Variants in CDC42SE2 observed in about 807,000 individuals in gnomAD.
The protein encoded by CDC42SE2 is CDC42 small effector protein 2.
CDC42SE2 carries 3 observed loss-of-function variants against 11.5 expected under a neutral mutation model. The observed-to-expected ratio is 0.26, with a 90% CI of 0.12 to 0.67. The LOEUF is 0.67. Among genes scored for constraint, CDC42SE2 ranks in the 30% least tolerant of loss-of-function variants. The probability of loss-of-function intolerance (pLI) is 0.80; values close to 1 mark genes in which losing one functional copy is unlikely to be tolerated. For missense variants in CDC42SE2, 82 were observed against 106.8 expected (o/e 0.77, Z 1.02); for synonymous variants, 33 against 34.8 (o/e 0.95, Z 0.18).
At chr5:131,244,360 A>G (rs563730130), upstream of CDC42SE2, among the ~76,000 whole-genome samples, 1 of 152,356 alleles carries the variant, frequency 6.6e-6, no homozygotes, top group East Asian at 1.9e-4. Flanking sequence ...CTTAATGGAC[A>G]TATGGGGAAC....
chr5:131,307,530 T>C (rs1757805133), intron 1 of CDC42SE2, among the ~76,000 whole-genome samples: 1 of 152,120 alleles, frequency 6.6e-6, no homozygotes, highest in African/African-American at 2.4e-5. Context: ...TAAACATACG[T>C]GTGCATGTGT....
chr5:131,270,394 TAAAAAC>T (rs1756968917), intron 1 of CDC42SE2, among the ~76,000 whole-genome samples: 1 of 152,030 alleles, frequency 6.6e-6, no homozygotes, highest in African/African-American at 2.4e-5. Flanking sequence ...AATAAAAAAA[TAAAAAC>T]AACAACATAA....
At chr5:131,320,430 A>G (rs190807473) in intron 2 of CDC42SE2, among the ~76,000 whole-genome samples, 1 of 148,082 alleles carries the variant, frequency 6.8e-6, no homozygotes, top group Admixed American at 6.8e-5. Context: ...AAAAAGAATT[A>G]GTTCTTCTAG....
intron 2 of CDC42SE2, among the ~76,000 whole-genome samples, chr5:131,346,069 C>T (rs549711759): frequency 3.9e-5 from 6 of 152,266 alleles, no homozygotes; most frequent in African/African-American, 1.2e-4. Context: ...TAAAGACTAT[C>T]AATGCTAGGA....
At chr5:131,224,010 G>A in the CDC42SE2 span, among the ~76,000 whole-genome samples, 1 of 152,118 alleles carries the variant, frequency 6.6e-6, no homozygotes, top group African/African-American at 2.4e-5. Flanking sequence ...CTCTACACTT[G>A]GTTGCCAGGA....
intron 1 of CDC42SE2, among the ~76,000 whole-genome samples, chr5:131,271,602 A>G (rs1028893966): frequency 6.6e-6 from 1 of 152,170 alleles, no homozygotes; most frequent in Non-Finnish European, 1.5e-5. Flanking sequence ...CCTGGAACCA[A>G]TCACCCATGG....
intron 2 of CDC42SE2, among the ~76,000 whole-genome samples, chr5:131,347,198 T>G (rs918067326): frequency 6.6e-6 from 1 of 152,096 alleles, no homozygotes; most frequent in African/African-American, 2.4e-5. Context: ...AAAAAATCAA[T>G]GAATCCAGGA....
the CDC42SE2 span, among the ~76,000 whole-genome samples, chr5:131,237,366 T>C: frequency 1.3e-5 from 2 of 152,234 alleles, no homozygotes; most frequent in Admixed American, 6.5e-5. Flanking sequence ...AATTATTCTT[T>C]GTTTTCTGAT....
At chr5:131,300,639 C>T (rs1023759696) in intron 1 of CDC42SE2, among the ~76,000 whole-genome samples, 1 of 151,922 alleles carries the variant, frequency 6.6e-6, no homozygotes, top group Admixed American at 6.6e-5. Context: ...AAAAATTAGC[C>T]AGGCGTGGTG....
At chr5:131,362,355 C>G (rs1312164277) in intron 3 of CDC42SE2, among the ~76,000 whole-genome samples, 1 of 151,984 alleles carries the variant, frequency 6.6e-6, no homozygotes, top group African/African-American at 2.4e-5. Context: ...TTTGTGGTCA[C>G]CATAATGGAG....
At chr5:131,282,626 C>T (rs1757259426) in intron 1 of CDC42SE2, among the ~76,000 whole-genome samples, 1 of 151,826 alleles carries the variant, frequency 6.6e-6, no homozygotes, top group Non-Finnish European at 1.5e-5. Context: ...AAAAAATCAC[C>T]TTTTTAAAAT....
chr5:131,373,455 T>C (rs1403666059), intron 3 of CDC42SE2, among the ~76,000 whole-genome samples: 1 of 152,204 alleles, frequency 6.6e-6, no homozygotes, highest in African/African-American at 2.4e-5. Context: ...CTCTTCTGTC[T>C]GGACTTCAGC....
intron 1 of CDC42SE2, among the ~76,000 whole-genome samples, chr5:131,292,984 TTGAA>T (rs1757494594): frequency 6.6e-6 from 1 of 151,136 alleles, no homozygotes; most frequent in Non-Finnish European, 1.5e-5. Context: ...CATTTGAATG[TTGAA>T]TGAATGAACA....
chr5:131,248,135 T>C (rs536346381), intron 1 of CDC42SE2, among the ~76,000 whole-genome samples: 89 of 151,470 alleles, frequency 5.9e-4, no homozygotes, highest in African/African-American at 2.2e-3. Context: ...TTCCTTTTTT[T>C]TATTTTTTTA....
At chr5:131,276,702 ACT>A (rs1364663089) in intron 1 of CDC42SE2, among the ~76,000 whole-genome samples, 1 of 149,174 alleles carries the variant, frequency 6.7e-6, no homozygotes, top group Non-Finnish European at 1.5e-5. Context: ...TACAATTTAG[ACT>A]CTCATATAAA....
upstream of CDC42SE2, among the ~76,000 whole-genome samples, chr5:131,260,361 G>T (rs966129560): frequency 1.3e-5 from 2 of 152,166 alleles, no homozygotes; most frequent in Admixed American, 1.3e-4. Flanking sequence ...GGTGGCTCCC[G>T]CCTGTAATCC....
rs1328704471 is a variant in CDC42SE2 at position 131,258,837 on chromosome 5, T to C, written n.242+3608T>C. On this transcript the variant is annotated intron_variant and non_coding_transcript_variant, in intron 2 of 3. Coordinates refer to the CDC42SE2 transcript ENST00000502840. ...CTACTGTGTCTATTTATTCAAATGT[T>C]GATGTGTGACATTTCATTAAAGACA... Among the ~76,000 whole-genome samples the C allele has an allele frequency of 3.8e-4, 58 of 152,336 alleles. 1 individual carries two copies. Among genetic ancestry groups the C allele is most frequent in the Non-Finnish European group, 4.4e-5 (3 of 68,040 alleles).
intron 3 of CDC42SE2, among the ~76,000 whole-genome samples, chr5:131,379,765 T>G (rs2100026466): frequency 6.6e-6 from 1 of 152,204 alleles, no homozygotes; most frequent in Admixed American, 6.5e-5. Flanking sequence ...TTGACGGTCT[T>G]AACAAAGTTT....
intron 1 of CDC42SE2, among the ~76,000 whole-genome samples, chr5:131,277,976 G>A (rs1053668810): frequency 6.6e-6 from 1 of 152,124 alleles, no homozygotes; most frequent in South Asian, 2.1e-4. Flanking sequence ...GATAAAGCCA[G>A]GTACCAATTT....
Sources: allele counts gnomAD v4.1 joint callset (sites outside exome capture counted in the v4.1 genomes callset), GRCh38; gene constraint gnomAD v4.1.1; transcripts MANE v1.5; gene names NCBI Gene and HGNC (gene_info 2026-07-23, HGNC 2026-07-21).